RNF115: variants seen among roughly 807,000 people sequenced by gnomAD.
RNF115 encodes E3 ubiquitin-protein ligase RNF115.
Under a neutral mutation model 39.2 loss-of-function variants are expected in RNF115, and 31 were observed. The observed-to-expected ratio is 0.79, with a 90% confidence interval of 0.59 to 1.07. RNF115 has a LOEUF of 1.07. Among genes scored for constraint, RNF115 ranks in the 50% least tolerant of loss-of-function variants. RNF115 has a pLI of 0.00. For synonymous variants in RNF115, 124 were observed against 131.0 expected, an observed-to-expected ratio of 0.95 and a Z score of 0.37; for missense variants, 384 against 381.7, an observed-to-expected ratio of 1.01 and a Z score of -0.05.
intron 4 of RNF115, among the ~76,000 whole-genome samples, chr1:145,755,246 A>C (rs1196030378): frequency 6.8e-6 from 1 of 146,038 alleles, no homozygotes; most frequent in African/African-American, 2.5e-5. Flanking sequence ...TCAAAAAAAA[A>C]AAGGTGGGGG....
chr1:145,788,704 C>A (rs1648501119), intron 2 of RNF115: 2 of 676,750 alleles, frequency 3.0e-6, no homozygotes, highest in African/African-American at 1.8e-5. Flanking sequence ...ATATCACTTT[C>A]CAAATTTTCC....
intron 3 of RNF115, among the ~76,000 whole-genome samples, chr1:145,779,486 T>C (rs1303463249): frequency 6.6e-6 from 1 of 152,042 alleles, no homozygotes; most frequent in Non-Finnish European, 1.5e-5. Flanking sequence ...ATAATTCTAA[T>C]AACTATAGAG....
intron 4 of RNF115, among the ~76,000 whole-genome samples, chr1:145,761,835 G>C (rs1444943808): frequency 6.6e-6 from 1 of 152,218 alleles, no homozygotes; most frequent in African/African-American, 2.4e-5. Context: ...AAAAGCCACA[G>C]ACACTCAACA....
At chr1:145,807,191 C>T (rs1553721714) in intron 1 of RNF115, among the ~76,000 whole-genome samples, 4 of 152,170 alleles carry the variant, frequency 2.6e-5, no homozygotes, top group Admixed American at 1.3e-4. Flanking sequence ...TGCTGTACTT[C>T]ACAAATAGAG....
chr1:145,765,733 AT>A (rs1553714694), intron 4 of RNF115, among the ~76,000 whole-genome samples: 1 of 152,238 alleles, frequency 6.6e-6, no homozygotes, highest in Non-Finnish European at 1.5e-5. Context: ...TCAAGACCTA[AT>A]TAACTATCAT....
chr1:145,775,457 G>A (rs1305681983), intron 3 of RNF115, among the ~76,000 whole-genome samples: 2 of 146,864 alleles, frequency 1.4e-5, no homozygotes, highest in South Asian at 4.3e-4. Context: ...GTGCAACGCC[G>A]TGATCATGGT....
Position 145,771,857 on chromosome 1 carries a change from A to G in RNF115, c.282T>C (p.Ser94=). ...FQDFRPFLSS[S]PLDQDNRANE... is the part of the protein sequence containing the mutation. ...TGGCTCTATTATCTTGGTCCAGTGG[A>G]CTGCTACTTAGAAAGGGTCTAAAAT... Residue 94 remains serine (S), a synonymous_variant, in exon 4 of 9, where the codon AGT becomes AGC. Coordinates refer to ENST00000582693, the MANE Select transcript of RNF115 (RefSeq NM_014455.4). 6.2e-7 allele frequency: 1 copy of G among 1,614,126 alleles called. No individual in the cohort carries two copies. The highest frequency in any genetic ancestry group is 1.6e-4 in the Middle Eastern group (1 of 6,062).
intron 1 of RNF115, among the ~76,000 whole-genome samples, chr1:145,799,076 T>A (rs9660158): frequency 6.6e-6 from 1 of 151,308 alleles, no homozygotes; most frequent in African/African-American, 2.4e-5. Context: ...GGTTTTCTTT[T>A]TTTTTTTTTT....
At chr1:145,770,717 C>T (rs1211403423) in intron 4 of RNF115, among the ~76,000 whole-genome samples, 1 of 152,180 alleles carries the variant, frequency 6.6e-6, no homozygotes, top group Non-Finnish European at 1.5e-5. Context: ...TATTACTTCA[C>T]ACAAATTAAA....
chr1:145,774,512 G>A (rs587676204), intron 3 of RNF115, among the ~76,000 whole-genome samples: 6 of 152,022 alleles, frequency 3.9e-5, no homozygotes, highest in African/African-American at 1.4e-4. Flanking sequence ...ACCACGCCCC[G>A]CTAATTTTTT....
intron 1 of RNF115, among the ~76,000 whole-genome samples, chr1:145,811,175 T>C (rs1649675518): frequency 6.6e-6 from 1 of 151,908 alleles, no homozygotes; most frequent in African/African-American, 2.4e-5. Flanking sequence ...CAGTCCATAA[T>C]TTTAATATGC....
At chr1:145,802,677 CA>C (rs782795862) in intron 1 of RNF115, among the ~76,000 whole-genome samples, 5 of 151,498 alleles carry the variant, frequency 3.3e-5, no homozygotes, top group African/African-American at 9.7e-5. Flanking sequence ...ATTAAAGTGT[CA>C]AAAAAAAGAA....
chr1:145,804,540 C>A (rs1559129095), intron 1 of RNF115, among the ~76,000 whole-genome samples: 2 of 144,718 alleles, frequency 1.4e-5, no homozygotes, highest in African/African-American at 2.5e-5. Context: ...CACAATCAGA[C>A]TGGAAACACA....
chr1:145,748,533 A>T (rs1657961274), intron 7 of RNF115, among the ~76,000 whole-genome samples: 1 of 152,150 alleles, frequency 6.6e-6, no homozygotes, highest in African/African-American at 2.4e-5. Flanking sequence ...CAGCAATCTT[A>T]TCAGTGCAGC....
chr1:145,804,969 A>G (rs782002568), intron 1 of RNF115, among the ~76,000 whole-genome samples: 1 of 152,190 alleles, frequency 6.6e-6, no homozygotes, highest in Non-Finnish European at 1.5e-5. Flanking sequence ...GTTCCCATAA[A>G]GCAGTTCAAT....
intron 2 of RNF115, among the ~76,000 whole-genome samples, chr1:145,785,587 C>G (rs141541152): frequency 4.2e-4 from 64 of 152,302 alleles, no homozygotes; most frequent in African/African-American, 1.3e-3. Context: ...ACCACTTTTA[C>G]TTCAAGAGAC....
rs939114284 is a variant in RNF115, at chr1:145,739,123, T to C, written c.*7743A>G. On this transcript the variant is annotated 3_prime_UTR_variant, in exon 9 of 9. Coordinates refer to ENST00000582693, the MANE Select transcript of RNF115 (RefSeq NM_014455.4). ...AAATACTTGTTAACCTCTTTGGTCATTTCTCTTTTTAAATAAATGCCCATA... is the reference window on the plus strand; with the variant it reads ...AAATACTTGTTAACCTCTTTGGTCACTTCTCTTTTTAAATAAATGCCCATA... 6 of 152,340 alleles carry C rather than the reference T, an allele frequency of 3.9e-5. No individual in the cohort carries two copies. Among genetic ancestry groups the C allele is most frequent in the Admixed American group, 2.0e-4 (3 of 15,280 alleles). The allele number at this position is 152,340 out of a possible 1,614,324, so 9.4% of individuals were successfully genotyped here. A position where few individuals can be genotyped will look rare whatever the true frequency, so the allele number is the denominator to read the frequency against.
intron 8 of RNF115, 102 bp from the exon 9 acceptor site, chr1:145,747,099 A>G: frequency 1.6e-6 from 2 of 1,225,584 alleles, no homozygotes. Flanking sequence ...AAAAATTATG[A>G]CATGGAACAG....
chr1:145,806,844 C>T (rs915557345), intron 1 of RNF115, among the ~76,000 whole-genome samples: 5 of 152,140 alleles, frequency 3.3e-5, no homozygotes, highest in African/African-American at 4.8e-5. Flanking sequence ...CTTTTTCTGT[C>T]GCCCAGGCTG....
Sources: allele counts gnomAD v4.1 joint callset (sites outside exome capture counted in the v4.1 genomes callset), GRCh38; gene constraint gnomAD v4.1.1; transcripts MANE v1.5; gene names NCBI Gene and HGNC (gene_info 2026-07-23, HGNC 2026-07-21).